Variants in NFAT5 observed in about 807,000 individuals in gnomAD.
The protein encoded by NFAT5 is nuclear factor of activated T cells 5.
In NFAT5, 31 loss-of-function variants were observed where a neutral mutation model predicts 166.5. The ratio of observed to expected loss-of-function variants is 0.19; its 90% CI spans 0.14 to 0.25. The LOEUF is 0.25. Among genes scored for constraint, NFAT5 ranks in the 10% least tolerant of loss-of-function variants. The probability of loss-of-function intolerance (pLI) is 1.00; values close to 1 mark genes in which losing one functional copy is unlikely to be tolerated. For synonymous variants in NFAT5, 612 were observed against 639.7 expected (o/e 0.96, Z 0.65); for missense variants, 1,449 against 1,821.8 (o/e 0.80, Z 3.72).
At chr16:69,630,624 A>G (rs2034671611) in intron 3 of NFAT5, among the ~76,000 whole-genome samples, 1 of 152,264 alleles carries the variant, frequency 6.6e-6, no homozygotes, top group Non-Finnish European at 1.5e-5. Flanking sequence ...CCACGTTCCT[A>G]AAACATAAAA....
chr16:69,641,828 T>G (rs1255160028), intron 3 of NFAT5, among the ~76,000 whole-genome samples: 1 of 152,176 alleles, frequency 6.6e-6, no homozygotes, highest in East Asian at 1.9e-4. Context: ...CTGGGCATGG[T>G]GCCTCATGCC....
chr16:69,640,703 C>G (rs1409905126), intron 3 of NFAT5, among the ~76,000 whole-genome samples: 1 of 152,162 alleles, frequency 6.6e-6, no homozygotes, highest in African/African-American at 2.4e-5. Flanking sequence ...AGTTTCTGGC[C>G]AGGCACAGTG....
rs539511349 is a variant in NFAT5 at position 69,674,462 on chromosome 16, T to A, written c.1558-2741T>A. On this transcript the variant is annotated intron_variant, in intron 9 of 14. Transcript: ENST00000349945. ...TATAACATTAATTACCTATTAAAAA[T>A]ATATATAAAGGGATATTCAATCTAT... 6.6e-5 allele frequency among the ~76,000 whole-genome samples: 10 copies of A among 151,992 alleles called. No individual in the cohort carries two copies. In the South Asian group the frequency reaches 2.1e-3, roughly 32 times the overall value.
At chr16:69,671,460 TCC>T (rs978127931) in intron 9 of NFAT5, among the ~76,000 whole-genome samples, 12 of 152,334 alleles carry the variant, frequency 7.9e-5, no homozygotes, top group African/African-American at 2.9e-4. Flanking sequence ...AACCTCTGAC[TCC>T]CTGGTTCAAG....
At chr16:69,672,343 A>G (rs1408711541) in intron 9 of NFAT5, among the ~76,000 whole-genome samples, 1 of 152,232 alleles carries the variant, frequency 6.6e-6, no homozygotes, top group Non-Finnish European at 1.5e-5. Context: ...AATCTGTGTT[A>G]ACTAAGTAAG....
At chr16:69,575,164 CTTATTTAT>C (rs527994835) in intron 2 of NFAT5, among the ~76,000 whole-genome samples, 7 of 151,952 alleles carry the variant, frequency 4.6e-5, no homozygotes, top group Non-Finnish European at 1.0e-4. Context: ...GTTGATTATG[CTTATTTAT>C]TTATTTATTT....
chr16:69,590,777 G>C (rs2032412571), intron 2 of NFAT5, among the ~76,000 whole-genome samples: 1 of 152,166 alleles, frequency 6.6e-6, no homozygotes. Context: ...CAGTGTCATG[G>C]GATTCCCCGC....
rs940516281 is a variant in NFAT5 at position 69,565,994 on chromosome 16, C to T, written c.-308C>T. ...TTCCTGTCAGCGGCGGCGGCGGTGG[C>T]GGCGACCGTCAGTTTTCGCTGAGGA... On this transcript the variant is annotated 5_prime_UTR_variant, in exon 1 of 15. Transcript: ENST00000349945. 7.1e-5 allele frequency: 19 copies of T among 267,650 alleles called. No individual in the cohort carries two copies. Among genetic ancestry groups the T allele is most frequent in the East Asian group, 1.3e-4 (1 of 7,926 alleles). 16.6% of individuals were successfully genotyped at this position (267,650 alleles called of 1,614,324 possible). A position where few individuals can be genotyped will look rare whatever the true frequency, so the allele number is the denominator to read the frequency against.
intron 2 of NFAT5, among the ~76,000 whole-genome samples, chr16:69,626,119 A>G (rs966155226): frequency 6.6e-6 from 1 of 151,806 alleles, no homozygotes; most frequent in Non-Finnish European, 1.5e-5. Context: ...GATTAAAAAA[A>G]AAAAAAAAAC....
intron 6 of NFAT5, among the ~76,000 whole-genome samples, chr16:69,658,376 G>C (rs2035981461): frequency 6.6e-6 from 1 of 150,476 alleles, no homozygotes; most frequent in African/African-American, 2.4e-5. Context: ...CCAGCTACTT[G>C]AGAGGTTGAG....
At chr16:69,567,029 T>C (rs1168214230) in intron 1 of NFAT5, among the ~76,000 whole-genome samples, 1 of 151,998 alleles carries the variant, frequency 6.6e-6, no homozygotes, top group Non-Finnish European at 1.5e-5. Context: ...CTTTTCTTTT[T>C]TTTTCTCTTC....
At chr16:69,576,752 T>C (rs1251241772) in intron 2 of NFAT5, among the ~76,000 whole-genome samples, 1 of 152,050 alleles carries the variant, frequency 6.6e-6, no homozygotes, top group African/African-American at 2.4e-5. Flanking sequence ...TCCCAGCTAC[T>C]TGGGAGGCAG....
At chr16:69,627,318 G>T (rs2034504491) in intron 3 of NFAT5, among the ~76,000 whole-genome samples, 1 of 104,658 alleles carries the variant, frequency 9.6e-6, no homozygotes, top group Non-Finnish European at 2.0e-5. Flanking sequence ...TTTAAAAAAA[G>T]GAAACATATA....
intron 2 of NFAT5, among the ~76,000 whole-genome samples, chr16:69,619,010 C>T (rs779145457): frequency 7.9e-5 from 12 of 152,098 alleles, no homozygotes; most frequent in African/African-American, 1.2e-4. Context: ...CTTTTTTCCC[C>T]GTTTTTATTA....
intron 3 of NFAT5, among the ~76,000 whole-genome samples, chr16:69,641,354 A>G (rs2035205374): frequency 6.6e-6 from 1 of 151,746 alleles, no homozygotes; most frequent in African/African-American, 2.4e-5. Flanking sequence ...ATAGTCAATA[A>G]TTTATTCCTT....
chr16:69,581,198 G>A (rs1247090096), intron 2 of NFAT5, among the ~76,000 whole-genome samples: 1 of 152,046 alleles, frequency 6.6e-6, no homozygotes, highest in Admixed American at 6.6e-5. Context: ...GTGCCACCAC[G>A]CCAGGCTAAT....
At chr16:69,603,389 C>G (rs1469340375) in intron 2 of NFAT5, among the ~76,000 whole-genome samples, 1 of 152,026 alleles carries the variant, frequency 6.6e-6, no homozygotes, top group Non-Finnish European at 1.5e-5. Flanking sequence ...TTTTAATTTG[C>G]AGTGTTTATA....
intron 9 of NFAT5, among the ~76,000 whole-genome samples, chr16:69,676,293 G>A (rs1388267125): frequency 6.6e-6 from 1 of 152,150 alleles, no homozygotes; most frequent in Non-Finnish European, 1.5e-5. Context: ...GTAAGTACTG[G>A]TGAAACTTTT....
chr16:69,652,745 G>A (rs1287962747), intron 4 of NFAT5, among the ~76,000 whole-genome samples: 1 of 148,926 alleles, frequency 6.7e-6, no homozygotes, highest in African/African-American at 2.5e-5. Context: ...GGTTTTTGGG[G>A]GTTTGTTTTT....
Sources: gnomAD v4.1 joint callset for allele counts (sites outside exome capture counted in the v4.1 genomes callset) on GRCh38, gnomAD v4.1.1 for gene constraint, MANE v1.5 for transcripts, NCBI Gene and HGNC (gene_info 2026-07-23, HGNC 2026-07-21) for gene names.